ROBO2: variants seen among roughly 807,000 people sequenced by gnomAD.
ROBO2 encodes roundabout homolog 2.
In ROBO2, 53 loss-of-function variants were observed where a neutral mutation model predicts 160.8. The observed-to-expected ratio is 0.33, with a 90% confidence interval of 0.26 to 0.41. ROBO2 has a LOEUF of 0.41. ROBO2 is among the 10% of genes least tolerant of loss of function. The pLI, the probability that ROBO2 is intolerant of heterozygous loss-of-function variation, is 1.00. For synonymous variants in ROBO2, 664 were observed against 611.7 expected, an observed-to-expected ratio of 1.09 and a Z score of -1.26; for missense variants, 1,577 against 1,722.4, an observed-to-expected ratio of 0.92 and a Z score of 1.49.
chr3:77,638,282 C>T (rs2095296681), intron 24 of ROBO2, among the ~76,000 whole-genome samples: 1 of 152,146 alleles, frequency 6.6e-6, no homozygotes, highest in South Asian at 2.1e-4. Context: ...AGACATTTTA[C>T]AATAAACCTT....
At chr3:77,162,057 T>G (rs2078541217) in intron 2 of ROBO2, among the ~76,000 whole-genome samples, 2 of 152,188 alleles carry the variant, frequency 1.3e-5, no homozygotes. Flanking sequence ...TGAATTCAAT[T>G]TGTAAAAATT....
chr3:77,589,631 A>T (rs889898829), intron 17 of ROBO2, among the ~76,000 whole-genome samples: 1 of 152,090 alleles, frequency 6.6e-6, no homozygotes, highest in Non-Finnish European at 1.5e-5. Context: ...ACAGAGTTTC[A>T]AGGGTGTCCT....
At chr3:76,205,997 G>C (rs1005139945) in intron 2 of ROBO2, among the ~76,000 whole-genome samples, 5 of 152,148 alleles carry the variant, frequency 3.3e-5, no homozygotes, top group African/African-American at 9.7e-5. Flanking sequence ...TCTGGAAGCA[G>C]AAGAAAAGAA....
At chr3:76,088,630 A>G (rs2069109474) in intron 2 of ROBO2, among the ~76,000 whole-genome samples, 1 of 152,124 alleles carries the variant, frequency 6.6e-6, no homozygotes. Flanking sequence ...TGGGTCAAAG[A>G]AAATATCTCA....
chr3:76,766,320 C>T (rs2061573835), intron 2 of ROBO2, among the ~76,000 whole-genome samples: 1 of 151,614 alleles, frequency 6.6e-6, no homozygotes, highest in East Asian at 2.0e-4. Context: ...GATTCCAAGA[C>T]TATATAATGC....
intron 2 of ROBO2, among the ~76,000 whole-genome samples, chr3:76,417,716 A>T (rs942614329): frequency 6.6e-6 from 1 of 152,168 alleles, no homozygotes; most frequent in Non-Finnish European, 1.5e-5. Context: ...ATCAAAATTC[A>T]TATTGAACCA....
At chr3:76,667,708 T>A (rs757382422) in intron 2 of ROBO2, among the ~76,000 whole-genome samples, 41,503 of 151,752 alleles carry the variant, frequency 0.27, 6,202 homozygotes, top group East Asian at 0.51. Flanking sequence ...GATCAGACTT[T>A]TTGGCTCATA....
chr3:76,674,743 T>A (rs2092363868), intron 2 of ROBO2, among the ~76,000 whole-genome samples: 1 of 152,162 alleles, frequency 6.6e-6, no homozygotes, highest in African/African-American at 2.4e-5. Context: ...CCTGAGATTC[T>A]GTCTGCGTTT....
intron 2 of ROBO2, among the ~76,000 whole-genome samples, chr3:76,144,760 A>G (rs2071819259): frequency 6.6e-6 from 1 of 152,050 alleles, no homozygotes; most frequent in Non-Finnish European, 1.5e-5. Context: ...GATGAACTTC[A>G]GCTGGGTCCT....
In ROBO2 at chr3:76,861,814, C is replaced by G. The variant is rs1192928431; in HGVS notation, c.110-236200C>G. On this transcript the variant is annotated intron_variant, in intron 2 of 26. Transcript: ENST00000487694. Reference sequence around the variant, plus strand: ...CTTCCCATTCAGTAATCATCCAAGACAGTAGTCACAGCCTGCTTTTCCCCT... The same window carrying G: ...CTTCCCATTCAGTAATCATCCAAGAGAGTAGTCACAGCCTGCTTTTCCCCT... 2.0e-5 allele frequency among the ~76,000 whole-genome samples: 3 copies of G among 152,154 alleles called. No individual in the cohort carries two copies. In the East Asian group the frequency reaches 5.8e-4, roughly 29 times the overall value.
At chr3:76,753,591 A>C (rs2060800974) in intron 2 of ROBO2, among the ~76,000 whole-genome samples, 1 of 151,928 alleles carries the variant, frequency 6.6e-6, no homozygotes, top group Non-Finnish European at 1.5e-5. Context: ...TTCAAAGGAA[A>C]CAAAAAATGA....
intron 2 of ROBO2, among the ~76,000 whole-genome samples, chr3:77,131,840 A>G (rs1169092146): frequency 2.0e-5 from 3 of 152,262 alleles, no homozygotes; most frequent in African/African-American, 7.2e-5. Context: ...CAGATTTGAC[A>G]ATTTAATTTT....
chr3:77,430,508 G>A (rs1262360968), intron 2 of ROBO2, among the ~76,000 whole-genome samples: 1 of 152,084 alleles, frequency 6.6e-6, no homozygotes, highest in Non-Finnish European at 1.5e-5. Flanking sequence ...AATAAAATAT[G>A]TGGCTAAGTC....
intron 2 of ROBO2, among the ~76,000 whole-genome samples, chr3:76,057,694 C>G (rs1466518588): frequency 6.6e-6 from 1 of 152,056 alleles, no homozygotes; most frequent in Non-Finnish European, 1.5e-5. Context: ...CGCCGACCAA[C>G]AAGACCAGAT....
chr3:76,213,168 G>C (rs938345113), intron 2 of ROBO2, among the ~76,000 whole-genome samples: 3 of 152,214 alleles, frequency 2.0e-5, no homozygotes, highest in East Asian at 1.9e-4. Context: ...TCTTGAGAGA[G>C]AGATTTTGGA....
intron 2 of ROBO2, among the ~76,000 whole-genome samples, chr3:76,704,119 T>A (rs2107503672): frequency 6.6e-6 from 1 of 152,198 alleles, no homozygotes; most frequent in South Asian, 2.1e-4. Flanking sequence ...AATGTCTGAG[T>A]TTTCCTGTAA....
chr3:76,779,192 C>T (rs1434127866), intron 2 of ROBO2, among the ~76,000 whole-genome samples: 1 of 150,924 alleles, frequency 6.6e-6, no homozygotes, highest in Non-Finnish European at 1.5e-5. Flanking sequence ...GTAAGATTTA[C>T]ACATAAAAAG....
intron 2 of ROBO2, chr3:77,317,426 C>T: frequency 4.1e-6 from 6 of 1,479,882 alleles, no homozygotes; most frequent in Non-Finnish European, 5.6e-6. Context: ...TCCATCGGTA[C>T]CTGGTTTCCA....
intron 2 of ROBO2, among the ~76,000 whole-genome samples, chr3:77,121,738 C>T (rs2074794264): frequency 6.6e-6 from 1 of 151,948 alleles, no homozygotes; most frequent in Non-Finnish European, 1.5e-5. Flanking sequence ...TGATTAAGAT[C>T]TCATCAGGGT....
Sources: allele counts gnomAD v4.1 joint callset (sites outside exome capture counted in the v4.1 genomes callset), GRCh38; gene constraint gnomAD v4.1.1; transcripts MANE v1.5; gene names NCBI Gene and HGNC (gene_info 2026-07-23, HGNC 2026-07-21).